CALU: variants seen among roughly 807,000 people sequenced by gnomAD.
CALU encodes calumenin.
A neutral mutation model predicts 37.5 loss-of-function variants in CALU; 13 were observed. The observed-to-expected ratio is 0.35, with a 90% confidence interval of 0.23 to 0.55. The LOEUF (loss-of-function observed/expected upper bound fraction) is 0.55, where lower values mean the gene tolerates loss of function less well. Among genes scored for constraint, CALU ranks in the 20% least tolerant of loss-of-function variants. The probability of loss-of-function intolerance (pLI) is 0.89; values close to 1 mark genes in which losing one functional copy is unlikely to be tolerated. For synonymous variants in CALU, 114 were observed against 133.8 expected, an observed-to-expected ratio of 0.85 and a Z score of 1.02; for missense variants, 282 against 391.7, an observed-to-expected ratio of 0.72 and a Z score of 2.36.
At chr7:128,742,350 A>G (rs1400598179) in intron 1 of CALU, among the ~76,000 whole-genome samples, 1 of 152,236 alleles carries the variant, frequency 6.6e-6, no homozygotes, top group Non-Finnish European at 1.5e-5. Context: ...ATGGAGAAAT[A>G]AATGCCTTTT....
intron 6 of CALU, 65 bp downstream of exon 6, chr7:128,767,720 A>G (rs1801391132): frequency 2.2e-6 from 3 of 1,338,162 alleles, no homozygotes; most frequent in South Asian, 1.2e-5. Context: ...GATCACCTGA[A>G]CAGTTTCTGT....
chr7:128,769,272 G>T lies in CALU; in HGVS notation c.*105G>T, dbSNP rs1801464557. On this transcript the variant is annotated 3_prime_UTR_variant, in exon 7 of 7. Transcript: ENST00000249364. ...GAGACTGTTACTACAAACTTTTTAA[G>T]ACATGAAAAGGCGTAATGAAAACCA... 2 of 621,310 alleles carry T rather than the reference G, an allele frequency of 3.2e-6. No homozygotes were observed. Among genetic ancestry groups the T allele is most frequent in the Non-Finnish European group, 5.6e-6 (2 of 354,544 alleles). The allele number at this position is 621,310 out of a possible 1,614,324, so 38.5% of individuals were successfully genotyped here. A position where few individuals can be genotyped will look rare whatever the true frequency, so the allele number is the denominator to read the frequency against.
chr7:128,740,231 T>A (rs1313289748), intron 1 of CALU, among the ~76,000 whole-genome samples: 3 of 152,218 alleles, frequency 2.0e-5, no homozygotes, highest in Non-Finnish European at 4.4e-5. Flanking sequence ...AGGCCCAAGC[T>A]CCGTGGGTCT....
chr7:128,740,631 A>T (rs541507749), intron 1 of CALU, among the ~76,000 whole-genome samples: 1 of 113,246 alleles, frequency 8.8e-6, no homozygotes, highest in South Asian at 3.1e-4. Flanking sequence ...CCAAGACCTA[A>T]TCTGAGGTTT....
chr7:128,767,238 A>T (rs1801371490), intron 5 of CALU, among the ~76,000 whole-genome samples: 1 of 152,160 alleles, frequency 6.6e-6, no homozygotes, highest in Non-Finnish European at 1.5e-5. Context: ...CTCTCATGTG[A>T]CTTAAAATCA....
intron 3 of CALU, among the ~76,000 whole-genome samples, chr7:128,758,127 C>T (rs1800964140): frequency 6.6e-6 from 1 of 152,046 alleles, no homozygotes; most frequent in East Asian, 1.9e-4. Flanking sequence ...GGCAATCACT[C>T]ATCTGTTTTC....
intron 5 of CALU, among the ~76,000 whole-genome samples, chr7:128,765,646 A>G (rs573917155): frequency 3.2e-4 from 49 of 152,344 alleles, no homozygotes; most frequent in African/African-American, 1.2e-3. Flanking sequence ...AGTTACTATT[A>G]CAATTATTAA....
chr7:128,752,482 T>C (rs992867886), intron 2 of CALU, among the ~76,000 whole-genome samples: 27 of 152,306 alleles, frequency 1.8e-4, no homozygotes, highest in African/African-American at 6.5e-4. Flanking sequence ...CCTTTTTCCT[T>C]GCCCTTTATT....
intron 3 of CALU, among the ~76,000 whole-genome samples, chr7:128,755,142 C>CA (rs35269374): frequency 0.078 from 9,759 of 124,892 alleles, 582 homozygotes; most frequent in East Asian, 0.37. Context: ...CTGTCTCTAC[C>CA]AAAAAAAAAA....
chr7:128,744,129 C>G (rs1039334354), intron 1 of CALU, among the ~76,000 whole-genome samples: 5 of 152,108 alleles, frequency 3.3e-5, no homozygotes, highest in Non-Finnish European at 5.9e-5. Flanking sequence ...TCACTTGAAC[C>G]CAGGAGGTGG....
chr7:128,751,658 G>T (rs4270899), intron 2 of CALU, among the ~76,000 whole-genome samples: 41,992 of 152,026 alleles, frequency 0.28, 6,829 homozygotes, highest in Non-Finnish European at 0.38. Context: ...GCCGGGAAGG[G>T]CAAGGCTACA....
At chr7:128,759,177 T>A in intron 4 of CALU, 140 bp downstream of exon 4, 1 of 564,230 alleles carries the variant, frequency 1.8e-6, no homozygotes, top group Non-Finnish European at 2.9e-6. Flanking sequence ...TATATAAGTA[T>A]TGGCCAGATT....
intron 1 of CALU, among the ~76,000 whole-genome samples, chr7:128,746,359 T>C (rs1020365654): frequency 1.3e-5 from 2 of 152,040 alleles, no homozygotes; most frequent in African/African-American, 4.8e-5. Context: ...GGTTTCACCG[T>C]ATTTCCCAGG....
At chr7:128,764,715 T>TA (rs1232352763) in intron 5 of CALU, among the ~76,000 whole-genome samples, 1 of 152,024 alleles carries the variant, frequency 6.6e-6, no homozygotes, top group Non-Finnish European at 1.5e-5. Context: ...AAAAAGGAAA[T>TA]GTTTCTTTGG....
chr7:128,759,127 TTATATATA>T, intron 4 of CALU, 90 bp downstream of exon 4: 1 of 874,056 alleles, frequency 1.1e-6, no homozygotes, highest in Non-Finnish European at 1.8e-6. Context: ...ATAGCATATC[TTATATATA>T]TATATGCTAT....
chr7:128,746,252 G>C (rs542496895), intron 1 of CALU, among the ~76,000 whole-genome samples: 1 of 151,992 alleles, frequency 6.6e-6, no homozygotes, highest in African/African-American at 2.4e-5. Flanking sequence ...CTGCCTCCCG[G>C]GTTCCAGTAC....
intron 1 of CALU, chr7:128,747,926 A>G (rs976001038): frequency 1.2e-5 from 2 of 163,250 alleles, no homozygotes; most frequent in African/African-American, 2.4e-5. Flanking sequence ...AGACGTTCTT[A>G]TCTATGACTA....
intron 2 of CALU, among the ~76,000 whole-genome samples, chr7:128,752,139 T>TA (rs936025572): frequency 2.0e-5 from 3 of 149,712 alleles, no homozygotes; most frequent in African/African-American, 4.9e-5. Flanking sequence ...AGAGGCTTGT[T>TA]AAAAAAAAAA....
rs1800785765 is a variant in CALU at position 128,754,355 on chromosome 7, T to A, written c.315T>A (p.Ile105=). 6.2e-7 allele frequency: 1 copy of A among 1,614,120 alleles called. No homozygotes were observed. Among genetic ancestry groups the A allele is most frequent in the South Asian group, 1.1e-5 (1 of 91,076 alleles). Residue 105 remains isoleucine (I), a synonymous_variant, in exon 3 of 7, where the codon ATT becomes ATA. Transcript: ENST00000249364. Reference sequence around the variant, plus strand: ...TTAAATTTGCACAAAAGCGCTGGATTTACGAGGATGTAGAGCGACAGTGGA... The same window carrying A: ...TTAAATTTGCACAAAAGCGCTGGATATACGAGGATGTAGAGCGACAGTGGA... ...DWIKFAQKRW[I]YEDVERQWKG...
Sources: gnomAD v4.1 joint callset for allele counts (sites outside exome capture counted in the v4.1 genomes callset) on GRCh38, gnomAD v4.1.1 for gene constraint, MANE v1.5 for transcripts, NCBI Gene and HGNC (gene_info 2026-07-23, HGNC 2026-07-21) for gene names.